ADARB1: variants seen among roughly 807,000 people sequenced by gnomAD.
ADARB1 encodes double-stranded RNA-specific editase 1.
Under a neutral mutation model 52.4 loss-of-function variants are expected in ADARB1, and 10 were observed. The observed-to-expected ratio is 0.19, with a 90% confidence interval of 0.12 to 0.32. ADARB1 has a LOEUF of 0.32. ADARB1 is among the 10% of genes least tolerant of loss of function. ADARB1 has a pLI of 1.00. For synonymous variants in ADARB1, 349 were observed against 371.1 expected, an observed-to-expected ratio of 0.94 and a Z score of 0.68; for missense variants, 643 against 922.3, an observed-to-expected ratio of 0.70 and a Z score of 3.92.
At chr21:45,216,228 A>C (rs1426561284) in intron 9 of ADARB1, among the ~76,000 whole-genome samples, 1 of 152,012 alleles carries the variant, frequency 6.6e-6, no homozygotes, top group African/African-American at 2.4e-5. Flanking sequence ...GTCTAGCTGG[A>C]AGTTTTTCAA....
chr21:45,217,161 A>G (rs1371896623), intron 9 of ADARB1, among the ~76,000 whole-genome samples: 2 of 151,982 alleles, frequency 1.3e-5, no homozygotes, highest in African/African-American at 2.4e-5. Context: ...CACCATGGAC[A>G]ATCTCTGCCT....
At chr21:45,190,691 A>C (rs1299280063) in intron 8 of ADARB1, among the ~76,000 whole-genome samples, 1 of 152,076 alleles carries the variant, frequency 6.6e-6, no homozygotes, top group Non-Finnish European at 1.5e-5. Flanking sequence ...TTCCTGGAAA[A>C]CTGTAGCTCT....
intron 1 of ADARB1, among the ~76,000 whole-genome samples, chr21:45,085,586 A>G (rs986028793): frequency 3.2e-4 from 49 of 152,164 alleles, no homozygotes; most frequent in African/African-American, 1.1e-3. Context: ...TGAGTCCTTT[A>G]CATACTATGT....
Position 45,182,643 on chromosome 21 carries a change from T to C in ADARB1, c.1137T>C (p.Asn379=). The C allele has an allele frequency of 6.2e-7, 1 of 1,610,916 alleles. No homozygotes were observed. The part of the protein sequence containing the change: ...ISVSTGTKCI[N]GEYMSDRGLA... ...TTTCTACAGGAACAAAATGTATTAA[T>C]GGTGAATACATGAGTGATCGTGGCC... Residue 379 remains asparagine (N), a synonymous_variant, in exon 6 of 11, where the codon AAT becomes AAC. Coordinates refer to ENST00000348831, the MANE Select transcript of ADARB1 (RefSeq NM_001112.4).
chr21:45,138,376 G>T (rs559364971), intron 2 of ADARB1, among the ~76,000 whole-genome samples: 2 of 152,180 alleles, frequency 1.3e-5, no homozygotes, highest in Non-Finnish European at 2.9e-5. Flanking sequence ...TTCTTATGTC[G>T]TAAGTAATCC....
chr21:45,095,479 G>A (rs1408888091), intron 1 of ADARB1, among the ~76,000 whole-genome samples: 1 of 152,184 alleles, frequency 6.6e-6, no homozygotes, highest in Non-Finnish European at 1.5e-5. Context: ...GTGTGGGGCT[G>A]GGACAGGGGC....
rs79167163 is a variant in ADARB1 at position 45,182,086 on chromosome 21, T to C, written c.1079-499T>C. Among the ~76,000 whole-genome samples the C allele has an allele frequency of 5.4e-3, 821 of 152,358 alleles. 6 individuals are homozygous for C. Among genetic ancestry groups the C allele is most frequent in the African/African-American group, 0.018 (761 of 41,586 alleles). ...ACTGCTTGTGATTTCACTCCGAGTG[T>C]GGTTAATGGTGACAGTTTACTAATG... On this transcript the variant is annotated intron_variant, in intron 5 of 10. Coordinates refer to ENST00000348831, the MANE Select transcript of ADARB1 (RefSeq NM_001112.4).
intron 2 of ADARB1, among the ~76,000 whole-genome samples, chr21:45,133,289 C>T (rs998240445): frequency 5.9e-5 from 9 of 152,366 alleles, no homozygotes; most frequent in African/African-American, 1.2e-4. Flanking sequence ...AGGCCTGTGG[C>T]GCTTGGCTCC....
intron 2 of ADARB1, among the ~76,000 whole-genome samples, chr21:45,155,802 C>T (rs2090540076): frequency 8.2e-6 from 1 of 122,136 alleles, no homozygotes; most frequent in African/African-American, 3.2e-5. Flanking sequence ...CACCCATCAT[C>T]ACCCATTACC....
In ADARB1 at chr21:45,182,486, A is replaced by C. The variant is rs1311279158; in HGVS notation, c.1079-99A>C. ...CTTGAAAAGTCTGTTGGCCCCTGAAAAGTTAAGTCACTGAGAATAAGAGTC... is the reference window on the plus strand; with the variant it reads ...CTTGAAAAGTCTGTTGGCCCCTGAACAGTTAAGTCACTGAGAATAAGAGTC... On this transcript the variant is annotated intron_variant, in intron 5 of 10. Coordinates refer to ENST00000348831, the MANE Select transcript of ADARB1 (RefSeq NM_001112.4). 3 of 1,341,914 alleles carry C rather than the reference A, an allele frequency of 2.2e-6. No homozygotes were observed. In the Admixed American group the frequency reaches 8.1e-5, roughly 36 times the overall value. 83.1% of individuals were successfully genotyped at this position (1,341,914 alleles called of 1,614,324 possible).
intron 9 of ADARB1, among the ~76,000 whole-genome samples, chr21:45,214,738 C>A (rs142890472): frequency 1.3e-3 from 195 of 152,310 alleles, no homozygotes; most frequent in African/African-American, 4.5e-3. Context: ...CCTTTAATCT[C>A]TTTGTCTAAA....
chr21:45,175,768 G>A lies in ADARB1; in HGVS notation c.67G>A (p.Asp23Asn). The A allele has an allele frequency of 1.2e-6, 2 of 1,614,146 alleles. No individual in the cohort carries two copies. Among genetic ancestry groups the A allele is most frequent in the African/African-American group, 1.3e-5 (1 of 75,060 alleles). The change falls in exon 4 of 11, where the codon GAC becomes AAC. Residue 23 changes from aspartate (D) to asparagine (N), a missense_variant. Physicochemically the swap from Asp to Asn is conservative, Grantham distance 23 (BLOSUM62 1). Coordinates refer to ENST00000348831, the MANE Select transcript of ADARB1 (RefSeq NM_001112.4). ...STDVKENRNL[D>N]NVSPKDGSTP... is the part of the protein sequence containing the mutation. ...TGATGTGAAGGAAAACCGCAATCTG[G>A]ACAACGTGTCCCCCAAGGATGGCAG...
Position 45,183,368 on chromosome 21 carries a change from AGAT to A in ADARB1, c.1258_1260del (p.Asp420del). ...GCAACTTTTTTCCTTTCAGTAACAA[AGAT>A]GATCAAAAAAGATCCATCTTTCAGA... On this transcript the variant is annotated inframe_deletion, in exon 7 of 11. Transcript: ENST00000348831. 1.9e-6 allele frequency: 3 copies of A among 1,598,264 alleles called. No homozygotes were observed. The highest frequency in any genetic ancestry group is 2.6e-6 in the Non-Finnish European group (3 of 1,175,760).
At chr21:45,153,490 G>A (rs1013283469) in intron 2 of ADARB1, among the ~76,000 whole-genome samples, 16 of 152,114 alleles carry the variant, frequency 1.1e-4, no homozygotes, top group African/African-American at 3.9e-4. Flanking sequence ...TCCCCCACCC[G>A]ACAGGACTGG....
At chr21:45,077,925 G>A (rs1442932195) in intron 1 of ADARB1, among the ~76,000 whole-genome samples, 4 of 152,164 alleles carry the variant, frequency 2.6e-5, no homozygotes, top group Admixed American at 2.0e-4. Flanking sequence ...CTGGGGTGTG[G>A]ACAGGGACAG....
intron 1 of ADARB1, among the ~76,000 whole-genome samples, chr21:45,090,520 A>G (rs2086520784): frequency 1.3e-5 from 2 of 152,178 alleles, no homozygotes; most frequent in South Asian, 4.1e-4. Flanking sequence ...CCCTATTTCA[A>G]GCTACCGATG....
In ADARB1 at chr21:45,157,977, C is replaced by T. The variant is rs183885229; in HGVS notation, c.-47-13633C>T. Among the ~76,000 whole-genome samples, 48 of 152,344 alleles carry T rather than the reference C, an allele frequency of 3.2e-4. No individual in the cohort carries two copies. Among genetic ancestry groups the T allele is most frequent in the African/African-American group, 1.0e-3 (42 of 41,576 alleles). On this transcript the variant is annotated intron_variant, in intron 2 of 10. Coordinates refer to ENST00000348831, the MANE Select transcript of ADARB1 (RefSeq NM_001112.4). The surrounding 1 kb of genome is among the most constrained non-coding windows in gnomAD (Gnocchi z 4.1). ...AATTGCACAGCACCCCCACAGGAGG[C>T]GAGCCTGTGTCCTTGCCCATCACCT...
At chr21:45,152,267 G>A (rs1357257234) in intron 2 of ADARB1, among the ~76,000 whole-genome samples, 2 of 152,162 alleles carry the variant, frequency 1.3e-5, no homozygotes, top group Non-Finnish European at 2.9e-5. Flanking sequence ...ACTTTGGTAC[G>A]TCTGCTGTGG....
intron 2 of ADARB1, among the ~76,000 whole-genome samples, chr21:45,171,052 G>A (rs1235029900): frequency 1.3e-5 from 2 of 152,196 alleles, no homozygotes; most frequent in Non-Finnish European, 2.9e-5. Flanking sequence ...TGGTTCTGCT[G>A]TGTGGCTTTA....
Sources: gnomAD v4.1 joint callset for allele counts (sites outside exome capture counted in the v4.1 genomes callset) on GRCh38, gnomAD v4.1.1 for gene constraint, Gnocchi (gnomAD v3.1) non-coding constraint, MANE v1.5 for transcripts, NCBI Gene and HGNC (gene_info 2026-07-23, HGNC 2026-07-21) for gene names.